PARD3: variants seen among roughly 807,000 people sequenced by gnomAD.
The protein encoded by PARD3 is par-3 family cell polarity regulator, also known as partitioning defective 3 homolog.
In PARD3, 75 loss-of-function variants were observed where a neutral mutation model predicts 155.4. The observed-to-expected ratio is 0.48, with a 90% CI of 0.40 to 0.58. The LOEUF (loss-of-function observed/expected upper bound fraction) is 0.58, where lower values mean the gene tolerates loss of function less well. PARD3 is among the 20% of genes least tolerant of loss of function. PARD3 has a pLI of 0.00. For synonymous variants in PARD3, 576 were observed against 610.5 expected (o/e 0.94, Z 0.83); for missense variants, 1,642 against 1,721.7 (o/e 0.95, Z 0.82).
At chr10:34,170,382 G>A (rs1313323225) in intron 22 of PARD3, among the ~76,000 whole-genome samples, 1 of 152,168 alleles carries the variant, frequency 6.6e-6, no homozygotes, top group East Asian at 1.9e-4. Flanking sequence ...CACCATGCCT[G>A]GCCCTTAGGA....
At chr10:34,235,834 A>C (rs1953198300) in intron 22 of PARD3, among the ~76,000 whole-genome samples, 1 of 152,212 alleles carries the variant, frequency 6.6e-6, no homozygotes, top group Non-Finnish European at 1.5e-5. Flanking sequence ...TTCTCAGAAA[A>C]TGTCTGACAA....
chr10:34,714,851 T>C (rs796464941), intron 1 of PARD3, among the ~76,000 whole-genome samples: 7 of 151,446 alleles, frequency 4.6e-5, no homozygotes, highest in African/African-American at 1.5e-4. Context: ...CTTGGTTCAC[T>C]GCAACCTCCG....
intron 3 of PARD3, among the ~76,000 whole-genome samples, chr10:34,511,695 G>A (rs1589829189): frequency 6.6e-6 from 1 of 152,122 alleles, no homozygotes; most frequent in East Asian, 1.9e-4. Context: ...TGGTTATACA[G>A]TGATACCACT....
intron 18 of PARD3, among the ~76,000 whole-genome samples, chr10:34,335,221 A>C (rs1401454434): frequency 6.6e-6 from 1 of 151,968 alleles, no homozygotes; most frequent in East Asian, 1.9e-4. Flanking sequence ...GATTTATTAG[A>C]TGTCGTTTTT....
At chr10:34,335,697 C>A (rs1836103001) in intron 18 of PARD3, among the ~76,000 whole-genome samples, 1 of 152,000 alleles carries the variant, frequency 6.6e-6, no homozygotes, top group Non-Finnish European at 1.5e-5. Flanking sequence ...CTAATTCCAG[C>A]ATCAAAAAAA....
chr10:34,750,149 CAA>C (rs969307366), intron 1 of PARD3, among the ~76,000 whole-genome samples: 12 of 151,134 alleles, frequency 7.9e-5, no homozygotes, highest in Middle Eastern at 3.4e-3. Flanking sequence ...CAAAATGAGT[CAA>C]AGTCATAAGC....
intron 23 of PARD3, among the ~76,000 whole-genome samples, chr10:34,121,572 CA>C (rs1947007121): frequency 6.6e-6 from 1 of 152,170 alleles, no homozygotes; most frequent in Admixed American, 6.5e-5. Flanking sequence ...GCCTTGTTAC[CA>C]AAAGAATGGC....
intron 21 of PARD3, among the ~76,000 whole-genome samples, chr10:34,273,350 T>C (rs532263077): frequency 6.6e-6 from 1 of 152,304 alleles, no homozygotes; most frequent in Non-Finnish European, 1.5e-5. Context: ...AACTTGAATC[T>C]GTCTTAAGGG....
At chr10:34,117,347 G>T (rs1946735318) in intron 24 of PARD3, among the ~76,000 whole-genome samples, 1 of 152,210 alleles carries the variant, frequency 6.6e-6, no homozygotes, top group South Asian at 2.1e-4. Context: ...CACCCGTGTG[G>T]TCGTGCAGGG....
At chr10:34,643,471 A>C (rs1005735248) in intron 2 of PARD3, among the ~76,000 whole-genome samples, 8 of 152,218 alleles carry the variant, frequency 5.3e-5, no homozygotes, top group African/African-American at 1.7e-4. Context: ...TCAAAGCATC[A>C]ATTACTCACA....
At chr10:34,329,105 T>C (rs1466583769) in intron 19 of PARD3, among the ~76,000 whole-genome samples, 1 of 152,096 alleles carries the variant, frequency 6.6e-6, no homozygotes, top group East Asian at 1.9e-4. Flanking sequence ...TATACTGTTA[T>C]TTCTCATTTT....
intron 4 of PARD3, among the ~76,000 whole-genome samples, chr10:34,454,077 C>A (rs1022077294): frequency 3.9e-5 from 6 of 152,166 alleles, no homozygotes; most frequent in African/African-American, 1.4e-4. Context: ...GAATTATTAT[C>A]AATCAGTTGA....
At chr10:34,511,033 T>C (rs2133555290) in intron 3 of PARD3, among the ~76,000 whole-genome samples, 1 of 152,356 alleles carries the variant, frequency 6.6e-6, no homozygotes, top group Non-Finnish European at 1.5e-5. Flanking sequence ...GGATGTTACA[T>C]CTCTTAAAAG....
chr10:34,347,956 CT>C lies in PARD3; in HGVS notation c.2218+8del, dbSNP rs780925808. 2 of 1,604,586 alleles carry C rather than the reference CT, an allele frequency of 1.2e-6. No homozygotes were observed. The highest frequency in any genetic ancestry group is 1.7e-6 in the Non-Finnish European group (2 of 1,175,168). ...TAAGATGTGATAAACAGAGTTTTAC[CT>C]GACTCACCCATTATCCTACTGAGGG... On this transcript the variant is annotated splice_region_variant and intron_variant, in intron 15 of 24. Coordinates refer to ENST00000374788, the MANE Select transcript of PARD3 (RefSeq NM_001184785.2).
intron 2 of PARD3, among the ~76,000 whole-genome samples, chr10:34,606,219 T>C (rs905406895): frequency 6.9e-6 from 1 of 143,980 alleles, no homozygotes; most frequent in African/African-American, 2.6e-5. Context: ...TGTAGTTCTG[T>C]CCCTTTAATA....
At chr10:34,246,937 T>C (rs1361673386) in intron 22 of PARD3, among the ~76,000 whole-genome samples, 1 of 151,980 alleles carries the variant, frequency 6.6e-6, no homozygotes, top group Non-Finnish European at 1.5e-5. Flanking sequence ...CAAAATACAA[T>C]GAAGCCAGGT....
intron 9 of PARD3, among the ~76,000 whole-genome samples, chr10:34,379,876 G>T (rs1841646627): frequency 6.6e-6 from 1 of 152,074 alleles, no homozygotes; most frequent in Non-Finnish European, 1.5e-5. Context: ...AGGCTATTCT[G>T]TTGTCATGTT....
intron 2 of PARD3, among the ~76,000 whole-genome samples, chr10:34,610,203 G>A (rs530113923): frequency 8.5e-5 from 13 of 152,250 alleles, no homozygotes; most frequent in African/African-American, 3.1e-4. Flanking sequence ...GTGGCAAGAA[G>A]GATGAGAGTC....
intron 5 of PARD3, among the ~76,000 whole-genome samples, chr10:34,442,631 G>A (rs1209282160): frequency 6.6e-6 from 1 of 152,210 alleles, no homozygotes; most frequent in African/African-American, 2.4e-5. Context: ...TACTTCGGGA[G>A]GCTAAAGCAG....
Sources: allele counts gnomAD v4.1 joint callset (sites outside exome capture counted in the v4.1 genomes callset), GRCh38; gene constraint gnomAD v4.1.1; transcripts MANE v1.5; gene names NCBI Gene and HGNC (gene_info 2026-07-23, HGNC 2026-07-21).